The following ESYT2 variants were observed in gnomAD, a reference collection of about 807,000 sequenced individuals.
ESYT2 encodes the protein extended synaptotagmin 2, also known as extended synaptotagmin-2.
Under a neutral mutation model 107.2 loss-of-function variants are expected in ESYT2, and 54 were observed. The observed-to-expected ratio is 0.50, with a 90% CI of 0.40 to 0.63. The LOEUF is 0.63. ESYT2 is among the 30% of genes least tolerant of loss of function. ESYT2 has a pLI of 0.00. For synonymous variants in ESYT2, 491 were observed against 434.1 expected (o/e 1.13, Z -1.63); for missense variants, 1,020 against 1,094.5 (o/e 0.93, Z 0.96).
chr7:158,821,362 G>A lies in ESYT2; in HGVS notation c.330+7727C>T, dbSNP rs539604106. Among the ~76,000 whole-genome samples the A allele has an allele frequency of 6.6e-5, 10 of 152,296 alleles. No individual in the cohort carries two copies. The South Asian group carries it at 1.2e-3, about 19-fold the overall frequency. On this transcript the variant is annotated intron_variant, in intron 1 of 22. Transcript: ENST00000275418. ...GAAGAAAAGTGTGATGGGTACTCCC[G>A]GCTATTACAGTAGTACAGGGCCCAA...
intron 18 of ESYT2, 33 bp downstream of exon 18, chr7:158,741,490 C>A (rs552106412): frequency 1.3e-6 from 2 of 1,530,036 alleles, no homozygotes; most frequent in East Asian, 4.5e-5. Flanking sequence ...GCTTGCTCTG[C>A]TGGTGAGAAA....
chr7:158,797,856 GAAAAAAA>G (rs11404991), intron 3 of ESYT2, 79 bp downstream of exon 3: 2 of 1,231,986 alleles, frequency 1.6e-6, no homozygotes, highest in Admixed American at 5.1e-5. Context: ...TCCGTCTCAA[GAAAAAAA>G]AAAAAAGAAA....
rs1836773970 is a variant in ESYT2, at chr7:158,732,152, T to G, written c.*2055A>C. 4 of 152,252 alleles carry G rather than the reference T, an allele frequency of 2.6e-5. No homozygotes were observed. Among genetic ancestry groups the G allele is most frequent in the Admixed American group, 2.6e-4 (4 of 15,282 alleles). 9.4% of individuals were successfully genotyped at this position (152,252 alleles called of 1,614,324 possible). A position where few individuals can be genotyped will look rare whatever the true frequency, so the allele number is the denominator to read the frequency against. On this transcript the variant is annotated 3_prime_UTR_variant, in exon 23 of 23. Transcript: ENST00000275418. ...ACATGGAGCGGATTACACACTGGACTGCAGAACTCAGATGTATGGGATGTT... is the reference window on the plus strand; with the variant it reads ...ACATGGAGCGGATTACACACTGGACGGCAGAACTCAGATGTATGGGATGTT...
intron 6 of ESYT2, among the ~76,000 whole-genome samples, chr7:158,781,396 CA>C (rs926995788): frequency 6.8e-6 from 1 of 147,684 alleles, no homozygotes; most frequent in African/African-American, 2.5e-5. Flanking sequence ...GTGTTGAGAA[CA>C]AAGTGTGAGG....
In ESYT2 at chr7:158,803,848, G is replaced by C. The variant is rs549320853; in HGVS notation, c.331-4776C>G. Among the ~76,000 whole-genome samples the C allele has an allele frequency of 2.2e-4, 25 of 112,612 alleles. 2 individuals carry two copies. The highest frequency in any genetic ancestry group is 8.0e-4 in the African/African-American group (22 of 27,574). The allele number at this position is 112,612 out of a possible 152,430, so 73.9% of individuals were successfully genotyped here. On this transcript the variant is annotated intron_variant, in intron 1 of 22. Transcript: ENST00000275418. ...GCGCGCGACAAACCCAAACCGTCGA[G>C]AAGGGTGAGGCGCGCGACAAACCCA... is the stretch of plus-strand genomic sequence containing the variant.
intron 1 of ESYT2, among the ~76,000 whole-genome samples, chr7:158,809,054 G>A (rs1839914531): frequency 6.6e-6 from 1 of 152,100 alleles, no homozygotes; most frequent in Non-Finnish European, 1.5e-5. Context: ...CAAAACAGAT[G>A]TTCTGATTGA....
chr7:158,742,084 A>T (rs763116953), intron 17 of ESYT2, among the ~76,000 whole-genome samples, 188 bp from the exon 18 acceptor site: 14 of 152,258 alleles, frequency 9.2e-5, no homozygotes, highest in Middle Eastern at 3.4e-3. Flanking sequence ...CTTTTTTCCC[A>T]GAGATGAGGA....
At chr7:158,738,436 C>A (rs1292024836) in intron 19 of ESYT2, among the ~76,000 whole-genome samples, 4 of 151,408 alleles carry the variant, frequency 2.6e-5, no homozygotes, top group Non-Finnish European at 4.4e-5. Flanking sequence ...ATACTGTAGG[C>A]AATTGTGACA....
chr7:158,808,548 T>G (rs954837575), intron 1 of ESYT2, among the ~76,000 whole-genome samples: 1 of 152,188 alleles, frequency 6.6e-6, no homozygotes, highest in Non-Finnish European at 1.5e-5. Context: ...TACGCTGAGG[T>G]TGCTAAGATG....
chr7:158,789,434 G>C (rs918434781), intron 4 of ESYT2, among the ~76,000 whole-genome samples: 3 of 152,082 alleles, frequency 2.0e-5, no homozygotes, highest in African/African-American at 7.2e-5. Context: ...ATGACTCACT[G>C]CAACGGCCGC....
chr7:158,798,138 G>C, intron 2 of ESYT2, 62 bp from the exon 3 acceptor site: 1 of 1,577,182 alleles, frequency 6.3e-7, no homozygotes, highest in Admixed American at 1.7e-5. Flanking sequence ...ACACACGAGT[G>C]CTCGTGAGAA....
Position 158,829,501 on chromosome 7 carries a change from C to CGCCCCTCTGAGGGGACGCG in ESYT2, c.-84_-83insCGCGTCCCCTCAGAGGGGC. 8.1e-7 allele frequency: 1 copy of CGCCCCTCTGAGGGGACGCG among 1,242,148 alleles called. No individual in the cohort carries two copies. Among genetic ancestry groups the CGCCCCTCTGAGGGGACGCG allele is most frequent in the South Asian group, 3.1e-5 (1 of 32,188 alleles). 76.9% of individuals were successfully genotyped at this position (1,242,148 alleles called of 1,614,324 possible). A position where few individuals can be genotyped will look rare whatever the true frequency, so the allele number is the denominator to read the frequency against. ...CCCGGGCGGCTCAGCCCCGCGCCAGCGCCCCTCTGAGGGGACGCGGCTCCG... is the reference window on the plus strand; with the variant it reads ...CCCGGGCGGCTCAGCCCCGCGCCAGCGCCCCTCTGAGGGGACGCGGCCCCTCTGAGGGGACGCGGCTCCG... On this transcript the variant is annotated 5_prime_UTR_variant, in exon 1 of 23. Coordinates refer to ENST00000275418, the MANE Select transcript of ESYT2 (RefSeq NM_001367773.1).
intron 1 of ESYT2, among the ~76,000 whole-genome samples, chr7:158,823,205 G>A (rs1197885491): frequency 7.5e-6 from 1 of 132,528 alleles, no homozygotes; most frequent in Non-Finnish European, 1.6e-5. Flanking sequence ...TGAGGCAGGA[G>A]AATTGCTTGA....
intron 6 of ESYT2, among the ~76,000 whole-genome samples, chr7:158,775,088 CA>C (rs1490738179): frequency 6.6e-6 from 1 of 152,176 alleles, no homozygotes; most frequent in African/African-American, 2.4e-5. Context: ...GGGAATATTG[CA>C]ACATGTGAGT....
At chr7:158,778,531 T>G (rs559085851) in intron 6 of ESYT2, among the ~76,000 whole-genome samples, 1 of 151,084 alleles carries the variant, frequency 6.6e-6, no homozygotes, top group Non-Finnish European at 1.5e-5. Context: ...AGGAGGAAAA[T>G]AATAAAAGAA....
Position 158,738,352 on chromosome 7 carries a change from C to G in ESYT2, c.2267+671G>C, listed in dbSNP as rs112391681. Reference sequence around the variant, plus strand: ...ATACACACACACACACAGACACACACACACACACACACACACACACACACA... The same window carrying G: ...ATACACACACACACACAGACACACAGACACACACACACACACACACACACA... On this transcript the variant is annotated intron_variant, in intron 19 of 22. Transcript: ENST00000275418. Among the ~76,000 whole-genome samples the G allele has an allele frequency of 3.2e-3, 346 of 109,364 alleles. 3 individuals are homozygous for G. The highest frequency in any genetic ancestry group is 0.012 in the African/African-American group (314 of 25,530). 71.7% of individuals were successfully genotyped at this position (109,364 alleles called of 152,430 possible). A position where few individuals can be genotyped will look rare whatever the true frequency, so the allele number is the denominator to read the frequency against.
intron 16 of ESYT2, among the ~76,000 whole-genome samples, chr7:158,747,101 G>A (rs1000405182): frequency 1.5e-4 from 23 of 151,926 alleles, no homozygotes; most frequent in Admixed American, 1.2e-3. Context: ...ATCCCAGCAC[G>A]TTGGGAGGCC....
At position 158,741,656 on chromosome 7, in the gene ESYT2, C is replaced by T. The variant is rs1837211905; in HGVS notation, c.2035G>A (p.Gly679Ser). The change falls in exon 18 of 23, where the codon GGC becomes AGC. Residue 679 changes from glycine to serine, a missense_variant. Transcript: ENST00000275418. ...EAGPQGLHDLGRSSSSLLASP... is the reference protein window; with the variant it reads ...EAGPQGLHDLSRSSSSLLASP... ...GCCAGGAGGCTGGAGGAGCTTCTGC[C>T]CAGGTCGTGCAGCCCCTGAGGGCCG... The T allele has an allele frequency of 6.2e-7, 1 of 1,613,756 alleles. No individual in the cohort carries two copies. The highest frequency in any genetic ancestry group is 8.5e-7 in the Non-Finnish European group (1 of 1,180,004).
intron 11 of ESYT2, among the ~76,000 whole-genome samples, chr7:158,760,361 C>T (rs1017716904): frequency 3.3e-5 from 5 of 152,184 alleles, no homozygotes; most frequent in African/African-American, 9.7e-5. Context: ...CAGGTGTGAG[C>T]GACCATTCTA....
Sources: allele counts gnomAD v4.1 joint callset (sites outside exome capture counted in the v4.1 genomes callset), GRCh38; gene constraint gnomAD v4.1.1; transcripts MANE v1.5; gene names NCBI Gene and HGNC (gene_info 2026-07-23, HGNC 2026-07-21).